EPS15L1: variants seen among roughly 807,000 people sequenced by gnomAD.
The protein encoded by EPS15L1 is epidermal growth factor receptor pathway substrate 15 like 1, also known as epidermal growth factor receptor substrate 15-like 1.
A neutral mutation model predicts 117.1 loss-of-function variants in EPS15L1; 43 were observed. That is an observed-to-expected ratio of 0.37 (90% confidence interval 0.29 to 0.47). The LOEUF is 0.47. EPS15L1 is among the 20% of genes least tolerant of loss of function. The pLI is 0.99. For synonymous variants in EPS15L1, 459 were observed against 470.5 expected (o/e 0.98, Z 0.32); for missense variants, 981 against 1,164.0 (o/e 0.84, Z 2.29).
At chr19:16,356,789 T>C (rs1405153453) in intron 23 of EPS15L1, 1 of 152,134 alleles carries the variant, frequency 6.6e-6, no homozygotes, top group African/African-American at 2.4e-5. Context: ...AGTACTTTAG[T>C]CATGAAAAGA....
chr19:16,368,899 T>G (rs1278076332), intron 22 of EPS15L1, among the ~76,000 whole-genome samples: 1 of 152,190 alleles, frequency 6.6e-6, no homozygotes, highest in Non-Finnish European at 1.5e-5. Flanking sequence ...TCACGCTGCC[T>G]AGGAGAGCAG....
At chr19:16,440,159 G>A (rs905248409) in intron 4 of EPS15L1, among the ~76,000 whole-genome samples, 13 of 151,914 alleles carry the variant, frequency 8.6e-5, no homozygotes, top group Non-Finnish European at 8.8e-5. Context: ...GTGGCTGGGC[G>A]TGGTGGCTCA....
intron 16 of EPS15L1, chr19:16,402,075 A>G (rs2092606768): frequency 8.0e-7 from 1 of 1,254,232 alleles, no homozygotes; most frequent in African/African-American, 1.5e-5. Context: ...AGGGCATTCA[A>G]AACAGGTTCT....
At position 16,355,524 on chromosome 19, in the gene EPS15L1, G is replaced by C; in HGVS notation, c.*181C>G. ...AGTGGTGGCCAAGGCCTCTGTAAGG[G>C]CTTCCCCAGGAGATGTGACCTTTCC... On this transcript the variant is annotated 3_prime_UTR_variant, in exon 24 of 24. Coordinates refer to ENST00000455140, the MANE Select transcript of EPS15L1 (RefSeq NM_001258374.3). The C allele has an allele frequency of 4.0e-6, 3 of 744,048 alleles. No homozygotes were observed. The highest frequency in any genetic ancestry group is 6.3e-6 in the Non-Finnish European group (3 of 476,152). 46.1% of individuals were successfully genotyped at this position (744,048 alleles called of 1,614,324 possible). A position where few individuals can be genotyped will look rare whatever the true frequency, so the allele number is the denominator to read the frequency against.
At chr19:16,458,912 G>T (rs1032036440) in intron 1 of EPS15L1, among the ~76,000 whole-genome samples, 1 of 152,166 alleles carries the variant, frequency 6.6e-6, no homozygotes, top group Non-Finnish European at 1.5e-5. Context: ...GCATCGTCAG[G>T]TTAATTTCAT....
Position 16,366,966 on chromosome 19 carries a change from G to A in EPS15L1, c.2381-4982C>T, listed in dbSNP as rs1043182633. On this transcript the variant is annotated intron_variant, in intron 22 of 23. Coordinates refer to ENST00000455140, the MANE Select transcript of EPS15L1 (RefSeq NM_001258374.3). ...TTGTGAGGTATAGCTTATCTCAAACGTGACAAAGTAACTTTAATCTGCCTC... is the reference window on the plus strand; with the variant it reads ...TTGTGAGGTATAGCTTATCTCAAACATGACAAAGTAACTTTAATCTGCCTC... 1.2e-4 allele frequency among the ~76,000 whole-genome samples: 19 copies of A among 152,078 alleles called. No individual in the cohort carries two copies. In the South Asian group the frequency reaches 2.7e-3, roughly 22 times the overall value.
At chr19:16,376,957 C>A (rs1047290780) in intron 22 of EPS15L1, among the ~76,000 whole-genome samples, 165 bp downstream of exon 22, 2 of 152,204 alleles carry the variant, frequency 1.3e-5, no homozygotes, top group Admixed American at 1.3e-4. Context: ...CACGCACATA[C>A]GGCACTTGCG....
chr19:16,378,690 T>C (rs2092326153), intron 21 of EPS15L1, among the ~76,000 whole-genome samples: 1 of 152,034 alleles, frequency 6.6e-6, no homozygotes, highest in Non-Finnish European at 1.5e-5. Context: ...TGTCCCTCAC[T>C]TGGAGCGCCG....
chr19:16,429,639 C>G (rs572630352), intron 7 of EPS15L1, among the ~76,000 whole-genome samples: 2 of 152,338 alleles, frequency 1.3e-5, no homozygotes, highest in South Asian at 4.1e-4. Flanking sequence ...ACCACAGGAA[C>G]TGCTCCAGAA....
intron 22 of EPS15L1, among the ~76,000 whole-genome samples, chr19:16,372,435 G>A (rs929149817): frequency 6.6e-6 from 1 of 152,202 alleles, no homozygotes; most frequent in Non-Finnish European, 1.5e-5. Flanking sequence ...AAAGCCACAC[G>A]TGACTCAGAC....
intron 16 of EPS15L1, 172 bp downstream of exon 16, chr19:16,402,149 C>T (rs1599585264): frequency 1.4e-6 from 2 of 1,383,500 alleles, no homozygotes; most frequent in East Asian, 5.4e-5. Context: ...GCCACCTGTG[C>T]CAGGCTGCAA....
chr19:16,399,542 T>A (rs1013502899), intron 16 of EPS15L1, among the ~76,000 whole-genome samples: 1 of 151,992 alleles, frequency 6.6e-6, no homozygotes, highest in African/African-American at 2.4e-5. Context: ...GCAGCAGGGG[T>A]GTGCTGGGAA....
chr19:16,390,749 A>G (rs546592795), intron 19 of EPS15L1, among the ~76,000 whole-genome samples: 3 of 152,368 alleles, frequency 2.0e-5, no homozygotes, highest in South Asian at 2.1e-4. Context: ...TAAGTAATCC[A>G]TAAGTGAACA....
chr19:16,419,995 C>G (rs1456247406), intron 10 of EPS15L1, among the ~76,000 whole-genome samples: 1 of 152,232 alleles, frequency 6.6e-6, no homozygotes, highest in Non-Finnish European at 1.5e-5. Flanking sequence ...GCTCTGACAC[C>G]ACATCCTGCT....
intron 12 of EPS15L1, 128 bp downstream of exon 12, chr19:16,417,424 T>C: frequency 1.3e-6 from 1 of 769,322 alleles, no homozygotes; most frequent in East Asian, 2.7e-5. Context: ...AGAAGCTGTA[T>C]CTTTTCCTTC....
chr19:16,437,546 T>C (rs1306505758), intron 5 of EPS15L1, among the ~76,000 whole-genome samples: 1 of 152,204 alleles, frequency 6.6e-6, no homozygotes, highest in Non-Finnish European at 1.5e-5. Flanking sequence ...GAAAAAGTTC[T>C]GGAGCTAGAC....
At chr19:16,384,108 C>T (rs1376032612) in intron 21 of EPS15L1, 4 of 152,340 alleles carry the variant, frequency 2.6e-5, no homozygotes, top group Non-Finnish European at 5.9e-5. Context: ...CCTCTTCCCG[C>T]AGCGTGGATA....
At chr19:16,397,182 C>T (rs1048320415) in intron 16 of EPS15L1, among the ~76,000 whole-genome samples, 13 of 152,004 alleles carry the variant, frequency 8.6e-5, no homozygotes, top group Non-Finnish European at 1.3e-4. Context: ...CTCCACCTCC[C>T]GGGTTCAAGT....
intron 13 of EPS15L1, 57 bp downstream of exon 13, chr19:16,413,716 T>C (rs2092729513): frequency 1.3e-6 from 2 of 1,481,500 alleles, no homozygotes; most frequent in Admixed American, 3.4e-5. Flanking sequence ...GGAGGGAAGT[T>C]TTCCTGAACT....
Sources: gnomAD v4.1 joint callset for allele counts (sites outside exome capture counted in the v4.1 genomes callset) on GRCh38, gnomAD v4.1.1 for gene constraint, MANE v1.5 for transcripts, NCBI Gene and HGNC (gene_info 2026-07-23, HGNC 2026-07-21) for gene names.